Variants in KIAA1217 observed in about 807,000 individuals in gnomAD.
KIAA1217 encodes KIAA1217, also known as sickle tail protein homolog.
Under a neutral mutation model 163.9 loss-of-function variants are expected in KIAA1217, and 88 were observed. That is an observed-to-expected ratio of 0.54 (90% CI 0.45 to 0.64). The LOEUF is 0.64. Among genes scored for constraint, KIAA1217 ranks in the 30% least tolerant of loss-of-function variants. KIAA1217 has a pLI of 0.00. For missense variants in KIAA1217, 2,372 were observed against 2,475.0 expected, an observed-to-expected ratio of 0.96 and a Z score of 0.88; for synonymous variants, 903 against 923.1, an observed-to-expected ratio of 0.98 and a Z score of 0.39.
At chr10:23,722,373 G>A (rs1305300217) in intron 1 of KIAA1217, among the ~76,000 whole-genome samples, 1 of 152,022 alleles carries the variant, frequency 6.6e-6, no homozygotes, top group African/African-American at 2.4e-5. Context: ...AGTTTTATGT[G>A]TATTTACCAT....
At chr10:24,336,575 G>C (rs926366739) in intron 2 of KIAA1217, among the ~76,000 whole-genome samples, 1 of 152,088 alleles carries the variant, frequency 6.6e-6, no homozygotes, top group Non-Finnish European at 1.5e-5. Flanking sequence ...ATGCCATTCT[G>C]TTCAGCATTG....
chr10:23,934,998 T>C (rs1227261875), intron 1 of KIAA1217, among the ~76,000 whole-genome samples: 6 of 152,048 alleles, frequency 3.9e-5, no homozygotes, highest in African/African-American at 4.8e-5. Context: ...ATGGATAAAA[T>C]CTGTCATGGA....
chr10:23,982,278 A>G (rs1845798842), intron 1 of KIAA1217, among the ~76,000 whole-genome samples: 1 of 152,198 alleles, frequency 6.6e-6, no homozygotes, highest in Non-Finnish European at 1.5e-5. Context: ...TCAAAGTCAT[A>G]CAATTAATGA....
At chr10:24,353,112 T>C (rs1426681508) in intron 2 of KIAA1217, among the ~76,000 whole-genome samples, 1 of 152,030 alleles carries the variant, frequency 6.6e-6, no homozygotes, top group Non-Finnish European at 1.5e-5. Flanking sequence ...CTGAATATGT[T>C]CAGACAAGCC....
At chr10:23,911,400 A>G (rs922057951) in intron 1 of KIAA1217, among the ~76,000 whole-genome samples, 3 of 152,206 alleles carry the variant, frequency 2.0e-5, no homozygotes, top group Non-Finnish European at 4.4e-5. Context: ...TTCATCATTG[A>G]CAGCTTCAAG....
At chr10:23,708,203 G>T (rs922914398) in intron 1 of KIAA1217, among the ~76,000 whole-genome samples, 1 of 152,112 alleles carries the variant, frequency 6.6e-6, no homozygotes, top group African/African-American at 2.4e-5. Context: ...TCACTACCAC[G>T]AGAACAGTAT....
At chr10:24,185,398 CTGTTATTT>C (rs1314832002) in intron 2 of KIAA1217, among the ~76,000 whole-genome samples, 9 of 152,136 alleles carry the variant, frequency 5.9e-5, no homozygotes, top group Admixed American at 5.9e-4. Flanking sequence ...TTGTAACTAT[CTGTTATTT>C]TGTTACTTTT....
At chr10:24,168,647 T>A (rs1220702405) in intron 2 of KIAA1217, among the ~76,000 whole-genome samples, 1 of 152,170 alleles carries the variant, frequency 6.6e-6, no homozygotes, top group Non-Finnish European at 1.5e-5. Context: ...GACTGGCCAA[T>A]ATATCAAAGG....
chr10:24,386,189 C>A (rs1007799440), intron 3 of KIAA1217, among the ~76,000 whole-genome samples: 1 of 152,192 alleles, frequency 6.6e-6, no homozygotes, highest in African/African-American at 2.4e-5. Flanking sequence ...ATTTCTGCAA[C>A]AAACTGCCTC....
intron 1 of KIAA1217, among the ~76,000 whole-genome samples, chr10:23,733,154 C>A (rs1838570718): frequency 6.6e-6 from 1 of 151,960 alleles, no homozygotes; most frequent in Non-Finnish European, 1.5e-5. Flanking sequence ...GCTGGGACTA[C>A]AGATGCCCGC....
intron 2 of KIAA1217, among the ~76,000 whole-genome samples, chr10:24,306,815 G>GT (rs1326220780): frequency 6.6e-6 from 1 of 152,224 alleles, no homozygotes; most frequent in East Asian, 1.9e-4. Context: ...GGAATGTGAT[G>GT]TTTCTGTTCT....
At chr10:24,201,416 T>C (rs986760703) in intron 2 of KIAA1217, among the ~76,000 whole-genome samples, 2 of 152,110 alleles carry the variant, frequency 1.3e-5, no homozygotes, top group African/African-American at 4.8e-5. Context: ...AGTTCAGAGA[T>C]TGTAAATTTT....
intron 2 of KIAA1217, among the ~76,000 whole-genome samples, chr10:24,142,300 G>A (rs1205542477): frequency 6.6e-6 from 1 of 152,074 alleles, no homozygotes; most frequent in Non-Finnish European, 1.5e-5. Context: ...AAATTGAGGG[G>A]GCTACATGAT....
chr10:24,051,110 T>C (rs1476156357), intron 2 of KIAA1217, among the ~76,000 whole-genome samples: 1 of 152,192 alleles, frequency 6.6e-6, no homozygotes, highest in Non-Finnish European at 1.5e-5. Flanking sequence ...AAGTCCATTA[T>C]ATCATTCTTA....
rs766914509 is a variant in KIAA1217 at position 24,546,041 on chromosome 10, C to T, written c.5549C>T (p.Ser1850Phe). ...LSPQTGPPAH[S>F]ASLIPSVSNG... Reference sequence around the variant, plus strand: ...CCCCAAACAGGACCACCTGCTCACTCTGCCTCCCTCATCCCTTCTGTCTCT... The same window carrying T: ...CCCCAAACAGGACCACCTGCTCACTTTGCCTCCCTCATCCCTTCTGTCTCT... The change falls in exon 21 of 21, where the codon TCT becomes TTT. Residue 1850 changes from serine to phenylalanine, a missense_variant. Coordinates refer to ENST00000376454, the MANE Select transcript of KIAA1217 (RefSeq NM_019590.5). 1.3e-5 allele frequency: 21 copies of T among 1,614,122 alleles called. No homozygotes were observed. In the South Asian group the frequency reaches 2.2e-4, roughly 17 times the overall value.
chr10:24,365,390 GC>G, intron 2 of KIAA1217, among the ~76,000 whole-genome samples: 1 of 140,628 alleles, frequency 7.1e-6, no homozygotes, highest in Admixed American at 6.9e-5. Context: ...GATTTTCTGT[GC>G]TTTTTTTTTG....
At chr10:24,220,050 G>T in intron 2 of KIAA1217, 141 bp downstream of exon 2, 2 of 886,036 alleles carry the variant, frequency 2.3e-6, no homozygotes, top group Non-Finnish European at 1.6e-6. Flanking sequence ...TTTCTTTGGG[G>T]CCTTGGGAGG....
rs1169906384 is a variant in KIAA1217, at chr10:24,501,365, C to T, written c.1835-14C>T. On this transcript the variant is annotated splice_polypyrimidine_tract_variant and intron_variant, in intron 8 of 20. Coordinates refer to ENST00000376454, the MANE Select transcript of KIAA1217 (RefSeq NM_019590.5). ...TTGTGGCCTTCTGAGTTCTCTGATG[C>T]ACTTTTCTCATAGGAACGCCCCATG... 6.3e-7 allele frequency: 1 copy of T among 1,599,932 alleles called. No homozygotes were observed. The highest frequency in any genetic ancestry group is 1.3e-5 in the African/African-American group (1 of 74,756).
chr10:23,815,579 G>A (rs1322244652), intron 1 of KIAA1217, among the ~76,000 whole-genome samples: 2 of 152,218 alleles, frequency 1.3e-5, no homozygotes, highest in Non-Finnish European at 2.9e-5. Context: ...GGGAGGCAGA[G>A]CTTGCAGTGA....
Sources: allele counts gnomAD v4.1 joint callset (sites outside exome capture counted in the v4.1 genomes callset), GRCh38; gene constraint gnomAD v4.1.1; transcripts MANE v1.5; gene names NCBI Gene and HGNC (gene_info 2026-07-23, HGNC 2026-07-21).